The following SEMA3C variants were observed in gnomAD, a reference collection of about 807,000 sequenced individuals.
SEMA3C encodes the protein semaphorin-3C.
A neutral mutation model predicts 89.4 loss-of-function variants in SEMA3C; 47 were observed. The observed-to-expected ratio is 0.53, with a 90% CI of 0.42 to 0.67. SEMA3C has a LOEUF of 0.67. Ranked by LOEUF, SEMA3C falls within the 30% of genes least tolerant of loss-of-function variation. The probability of loss-of-function intolerance (pLI) is 0.00; values close to 1 mark genes in which losing one functional copy is unlikely to be tolerated. For synonymous variants in SEMA3C, 310 were observed against 320.2 expected (o/e 0.97, Z 0.34); for missense variants, 839 against 929.1 (o/e 0.90, Z 1.26).
At chr7:80,879,217 T>A (rs1404777966) in intron 2 of SEMA3C, among the ~76,000 whole-genome samples, 3 of 150,396 alleles carry the variant, frequency 2.0e-5, no homozygotes, top group Non-Finnish European at 3.0e-5. Context: ...AAAAAAAAAA[T>A]AAAGAAAAAC....
chr7:80,804,070 G>T, intron 8 of SEMA3C, 36 bp downstream of exon 8: 1 of 1,537,370 alleles, frequency 6.5e-7, no homozygotes, highest in Non-Finnish European at 8.8e-7. Context: ...TGAATTTCTT[G>T]GTCTTTCTTC....
At chr7:80,750,708 G>A (rs1381869712) in intron 16 of SEMA3C, among the ~76,000 whole-genome samples, 2 of 151,754 alleles carry the variant, frequency 1.3e-5, no homozygotes, top group African/African-American at 2.4e-5. Flanking sequence ...AATTCATAAA[G>A]AAGTAGAATG....
intron 12 of SEMA3C, among the ~76,000 whole-genome samples, chr7:80,773,567 A>C (rs1788481184): frequency 6.6e-6 from 1 of 152,196 alleles, no homozygotes; most frequent in Non-Finnish European, 1.5e-5. Context: ...GACTAGAAGA[A>C]AGGATACTCA....
chr7:80,866,582 T>C (rs61228745), intron 2 of SEMA3C, among the ~76,000 whole-genome samples: 13,757 of 152,214 alleles, frequency 0.09, 917 homozygotes, highest in African/African-American at 0.18. Context: ...TGCATAATTA[T>C]AATCTGCACT....
intron 2 of SEMA3C, among the ~76,000 whole-genome samples, chr7:80,869,094 G>C (rs540280193): frequency 6.6e-6 from 1 of 152,158 alleles, no homozygotes; most frequent in African/African-American, 2.4e-5. Flanking sequence ...ACTACAATGA[G>C]GATTGTGGCG....
intron 13 of SEMA3C, among the ~76,000 whole-genome samples, chr7:80,762,561 G>A (rs1331984666): frequency 1.3e-5 from 2 of 152,192 alleles, no homozygotes; most frequent in Non-Finnish European, 2.9e-5. Context: ...GCTCACGCCT[G>A]TAATCCCAGC....
chr7:80,860,115 T>C (rs1554382208), intron 2 of SEMA3C, among the ~76,000 whole-genome samples: 1 of 152,142 alleles, frequency 6.6e-6, no homozygotes, highest in Non-Finnish European at 1.5e-5. Flanking sequence ...AGCAAATACG[T>C]ATAGACTAGT....
chr7:80,818,090 C>T (rs1789653608), intron 5 of SEMA3C, among the ~76,000 whole-genome samples: 1 of 151,620 alleles, frequency 6.6e-6, no homozygotes, highest in African/African-American at 2.4e-5. Flanking sequence ...ATATAATACA[C>T]ATAAAAATAT....
intron 13 of SEMA3C, 87 bp from the exon 14 acceptor site, chr7:80,761,744 G>T: frequency 1.4e-6 from 1 of 725,260 alleles, no homozygotes; most frequent in Non-Finnish European, 2.2e-6. Flanking sequence ...TAAATCTCAA[G>T]AAGAAATCAC....
chr7:80,798,443 A>C (rs536723839), intron 10 of SEMA3C, among the ~76,000 whole-genome samples: 5 of 152,342 alleles, frequency 3.3e-5, no homozygotes, highest in African/African-American at 9.6e-5. Context: ...CCATGGAGTC[A>C]GTAGACAATA....
intron 2 of SEMA3C, among the ~76,000 whole-genome samples, chr7:80,886,344 T>G (rs553109552): frequency 2.6e-5 from 4 of 151,712 alleles, no homozygotes; most frequent in African/African-American, 9.7e-5. Context: ...GTTGTACAAC[T>G]GGAAATTAAA....
chr7:80,766,395 G>A (rs935487514), intron 12 of SEMA3C, among the ~76,000 whole-genome samples: 10 of 150,840 alleles, frequency 6.6e-5, no homozygotes, highest in Admixed American at 2.0e-4. Flanking sequence ...ACATAAAGCC[G>A]ATTCAAACTT....
At chr7:80,851,696 A>G (rs534632519) in intron 2 of SEMA3C, among the ~76,000 whole-genome samples, 6 of 151,998 alleles carry the variant, frequency 3.9e-5, no homozygotes, top group African/African-American at 1.4e-4. Context: ...GAGGGGAAAA[A>G]CTGCCTTTTA....
chr7:80,839,394 G>A (rs996045718), intron 2 of SEMA3C, among the ~76,000 whole-genome samples: 2 of 151,998 alleles, frequency 1.3e-5, no homozygotes, highest in African/African-American at 4.8e-5. Flanking sequence ...GTTCCAGGAT[G>A]GTTAACAAAA....
Position 80,918,891 on chromosome 7 carries a change from G to C in SEMA3C, c.-102C>G, listed in dbSNP as rs181023532. On this transcript the variant is annotated 5_prime_UTR_variant, in exon 1 of 18. Transcript: ENST00000265361. Reference sequence around the variant, plus strand: ...TGCTACCGGGGTTGGATGCGCTTGTGTCTCCAGTCCTTTTCCCAGACGACC... The same window carrying C: ...TGCTACCGGGGTTGGATGCGCTTGTCTCTCCAGTCCTTTTCCCAGACGACC... 3 of 985,466 alleles carry C rather than the reference G, an allele frequency of 3.0e-6. No individual in the cohort carries two copies. The highest frequency in any genetic ancestry group is 2.3e-4 in the East Asian group (2 of 8,810). 61.0% of individuals were successfully genotyped at this position (985,466 alleles called of 1,614,324 possible).
rs1015435718 is a variant in SEMA3C, at chr7:80,882,636, C to T, written c.103+34043G>A. 3.9e-5 allele frequency among the ~76,000 whole-genome samples: 6 copies of T among 151,928 alleles called. No homozygotes were observed. The South Asian group carries it at 1.2e-3, about 32-fold the overall frequency. ...AGGGGCCAGATGAGCACTGACTTTC[C>T]CCATTGAGGAGTCTCGATTACCTCA... is the stretch of plus-strand genomic sequence containing the variant. On this transcript the variant is annotated intron_variant, in intron 2 of 17. Transcript: ENST00000265361.
At chr7:80,853,894 G>A (rs1298587060) in intron 2 of SEMA3C, among the ~76,000 whole-genome samples, 10 of 127,310 alleles carry the variant, frequency 7.9e-5, no homozygotes, top group East Asian at 2.2e-4. Flanking sequence ...CCATATATAT[G>A]TGTGTGTGTG....
chr7:80,778,296 C>T (rs1277346543), intron 12 of SEMA3C, among the ~76,000 whole-genome samples: 2 of 152,160 alleles, frequency 1.3e-5, no homozygotes, highest in East Asian at 3.8e-4. Flanking sequence ...TTCAGATAAA[C>T]TGACACACCT....
intron 2 of SEMA3C, among the ~76,000 whole-genome samples, chr7:80,830,272 A>C (rs1213960727): frequency 1.3e-5 from 2 of 152,180 alleles, no homozygotes; most frequent in Non-Finnish European, 2.9e-5. Context: ...TAATTTCCTC[A>C]TTTGTAAAAT....
Sources: gnomAD v4.1 joint callset for allele counts (sites outside exome capture counted in the v4.1 genomes callset) on GRCh38, gnomAD v4.1.1 for gene constraint, MANE v1.5 for transcripts, NCBI Gene and HGNC (gene_info 2026-07-23, HGNC 2026-07-21) for gene names.